The following NTNG1 variants were observed in gnomAD, a reference collection of about 807,000 sequenced individuals.
NTNG1 encodes the protein netrin G1, also known as netrin-G1.
Under a neutral mutation model 54.0 loss-of-function variants are expected in NTNG1, and 16 were observed. That is an observed-to-expected ratio of 0.30 (90% CI 0.20 to 0.45). The LOEUF (loss-of-function observed/expected upper bound fraction) is 0.45. Ranked by LOEUF, NTNG1 falls within the 20% of genes least tolerant of loss-of-function variation. The probability of loss-of-function intolerance (pLI) is 1.00; values close to 1 mark genes in which losing one functional copy is unlikely to be tolerated. For missense variants in NTNG1, 530 were observed against 678.7 expected, an observed-to-expected ratio of 0.78 and a Z score of 2.43; for synonymous variants, 255 against 263.1, an observed-to-expected ratio of 0.97 and a Z score of 0.30.
chr1:107,292,380 G>C (rs1665666942), intron 2 of NTNG1, among the ~76,000 whole-genome samples: 1 of 152,092 alleles, frequency 6.6e-6, no homozygotes, highest in Non-Finnish European at 1.5e-5. Flanking sequence ...TGTTACAGTA[G>C]GTAGCTCGTC....
intron 2 of NTNG1, among the ~76,000 whole-genome samples, chr1:107,220,103 A>AG (rs928801528): frequency 4.6e-5 from 7 of 152,104 alleles, no homozygotes; most frequent in Non-Finnish European, 7.4e-5. Flanking sequence ...TTATGTTCCC[A>AG]GGGGGATTAT....
chr1:107,226,775 A>G (rs1254890958), intron 2 of NTNG1, among the ~76,000 whole-genome samples: 6 of 152,074 alleles, frequency 3.9e-5, no homozygotes, highest in African/African-American at 1.4e-4. Flanking sequence ...GATACCAAAG[A>G]CTATCAGCTG....
intron 2 of NTNG1, among the ~76,000 whole-genome samples, chr1:107,225,518 C>T (rs1225196747): frequency 6.6e-6 from 1 of 152,026 alleles, no homozygotes; most frequent in African/African-American, 2.4e-5. Context: ...TGTTTGAGTG[C>T]CTGATGAATC....
chr1:107,352,811 T>A (rs1669703435), intron 3 of NTNG1, among the ~76,000 whole-genome samples: 1 of 152,248 alleles, frequency 6.6e-6, no homozygotes, highest in Non-Finnish European at 1.5e-5. Flanking sequence ...TCTGTGCACC[T>A]GCAGGCTTAA....
At chr1:107,389,117 T>G (rs978962056) in intron 3 of NTNG1, among the ~76,000 whole-genome samples, 2 of 152,236 alleles carry the variant, frequency 1.3e-5, no homozygotes, top group Admixed American at 1.3e-4. Context: ...TTGAGTAAAT[T>G]ATACCAAAGC....
chr1:107,427,365 T>A (rs145516790), intron 5 of NTNG1, among the ~76,000 whole-genome samples: 2 of 152,156 alleles, frequency 1.3e-5, no homozygotes, highest in Admixed American at 1.3e-4. Context: ...GGGAGGTCAG[T>A]GATTTGAAGA....
At chr1:107,315,157 C>A (rs1457498389) in intron 2 of NTNG1, among the ~76,000 whole-genome samples, 1 of 152,162 alleles carries the variant, frequency 6.6e-6, no homozygotes, top group Non-Finnish European at 1.5e-5. Flanking sequence ...ATCTTTACCT[C>A]ATATCTAGAC....
chr1:107,306,910 G>T (rs1666728883), intron 2 of NTNG1, among the ~76,000 whole-genome samples: 1 of 152,084 alleles, frequency 6.6e-6, no homozygotes, highest in Non-Finnish European at 1.5e-5. Flanking sequence ...GGCCAACAGG[G>T]GCTCCGAAAG....
chr1:107,288,016 T>C (rs1665312388), intron 2 of NTNG1, among the ~76,000 whole-genome samples: 1 of 152,140 alleles, frequency 6.6e-6, no homozygotes, highest in Non-Finnish European at 1.5e-5. Flanking sequence ...AAGATTACTC[T>C]GACCACAGCA....
chr1:107,445,315 G>A (rs1426622537), intron 7 of NTNG1, among the ~76,000 whole-genome samples: 1 of 152,062 alleles, frequency 6.6e-6, no homozygotes, highest in Non-Finnish European at 1.5e-5. Context: ...GAGAGGGCTT[G>A]GATATTCCAA....
At chr1:107,180,270 T>TAATC (rs757243263) in intron 2 of NTNG1, among the ~76,000 whole-genome samples, 9 of 152,176 alleles carry the variant, frequency 5.9e-5, no homozygotes, top group Non-Finnish European at 1.3e-4. Context: ...GTAAGCATAA[T>TAATC]AATCAAGTTT....
intron 2 of NTNG1, among the ~76,000 whole-genome samples, chr1:107,254,224 T>A: frequency 6.6e-6 from 1 of 152,178 alleles, no homozygotes; most frequent in East Asian, 1.9e-4. Flanking sequence ...ATCAGATCTG[T>A]TTAACATCAG....
chr1:107,294,740 AG>A (rs1476176318), intron 2 of NTNG1, among the ~76,000 whole-genome samples: 1 of 152,092 alleles, frequency 6.6e-6, no homozygotes, highest in Non-Finnish European at 1.5e-5. Flanking sequence ...GAGATTAGTG[AG>A]AGTTTGTAGT....
chr1:107,436,681 T>G lies in NTNG1; in HGVS notation c.1272T>G (p.Pro424=). 6.2e-7 allele frequency: 1 copy of G among 1,613,538 alleles called. No individual in the cohort carries two copies. ...ENVCIECYCN[P]LGSIHDRCNG... ...TTTCTACAGAGTGTTATTGTAACCCTTTGGGCTCAATCCATGATCGTTGTA... is the reference window on the plus strand; with the variant it reads ...TTTCTACAGAGTGTTATTGTAACCCGTTGGGCTCAATCCATGATCGTTGTA... Residue 424 remains proline (P), a synonymous_variant, in exon 7 of 8, where the codon CCT becomes CCG. Transcript: ENST00000370068.
chr1:107,146,465 T>C (rs1452516313), intron 1 of NTNG1, among the ~76,000 whole-genome samples: 5 of 152,052 alleles, frequency 3.3e-5, no homozygotes, highest in African/African-American at 1.2e-4. Context: ...AAATTACTAA[T>C]GAATCTGAAA....
intron 2 of NTNG1, among the ~76,000 whole-genome samples, chr1:107,242,789 C>T (rs914414531): frequency 6.6e-6 from 1 of 152,034 alleles, no homozygotes; most frequent in African/African-American, 2.4e-5. Context: ...ACTGAGCTGC[C>T]GAAGTGGGAA....
intron 2 of NTNG1, among the ~76,000 whole-genome samples, chr1:107,201,934 C>T (rs1163485847): frequency 6.6e-6 from 1 of 151,476 alleles, no homozygotes; most frequent in Non-Finnish European, 1.5e-5. Context: ...AGAATTAATT[C>T]CTCTCTCCTC....
intron 7 of NTNG1, among the ~76,000 whole-genome samples, chr1:107,443,501 G>A (rs1203088059): frequency 6.6e-6 from 1 of 152,090 alleles, no homozygotes; most frequent in Non-Finnish European, 1.5e-5. Context: ...GTGAGATGAA[G>A]ATTATACCTC....
chr1:107,424,371 A>AG (rs1292121736), intron 5 of NTNG1, among the ~76,000 whole-genome samples: 1 of 152,108 alleles, frequency 6.6e-6, no homozygotes, highest in African/African-American at 2.4e-5. Flanking sequence ...CAGGGAGGAC[A>AG]GGGGCCAGGT....
Sources: gnomAD v4.1 joint callset for allele counts (sites outside exome capture counted in the v4.1 genomes callset) on GRCh38, gnomAD v4.1.1 for gene constraint, MANE v1.5 for transcripts, NCBI Gene and HGNC (gene_info 2026-07-23, HGNC 2026-07-21) for gene names.